The following NPSR1 variants were observed in gnomAD, a reference collection of about 807,000 sequenced individuals.
NPSR1 encodes neuropeptide S receptor.
NPSR1 carries 48 observed loss-of-function variants against 46.9 expected under a neutral mutation model. The observed-to-expected ratio is 1.02, with a 90% CI of 0.81 to 1.30. The LOEUF is 1.30. Ranked by LOEUF, NPSR1 falls within the 50% of genes most tolerant of loss-of-function variation. The pLI is 0.00. For synonymous variants in NPSR1, 176 were observed against 168.1 expected, an observed-to-expected ratio of 1.05 and a Z score of -0.36; for missense variants, 450 against 449.5, an observed-to-expected ratio of 1.00 and a Z score of -0.01.
At chr7:34,834,288 A>G (rs1790263650) in intron 5 of NPSR1, 96 bp from the exon 6 acceptor site, 9 of 872,122 alleles carry the variant, frequency 1.0e-5, no homozygotes, top group Admixed American at 1.7e-5. Context: ...CTGTCCCTTC[A>G]CACCTTGCAC....
At chr7:34,755,527 T>C (rs1785785491) in intron 2 of NPSR1, among the ~76,000 whole-genome samples, 2 of 152,226 alleles carry the variant, frequency 1.3e-5, no homozygotes, top group African/African-American at 4.8e-5. Context: ...TGTTCTACTG[T>C]GTGAACATAC....
chr7:34,688,853 C>T (rs914889638), intron 2 of NPSR1, among the ~76,000 whole-genome samples: 1 of 152,192 alleles, frequency 6.6e-6, no homozygotes, highest in African/African-American at 2.4e-5. Context: ...CCTGCCCCTC[C>T]GTGCAGAGAT....
At chr7:34,726,078 G>C (rs1304188525) in intron 2 of NPSR1, among the ~76,000 whole-genome samples, 1 of 152,154 alleles carries the variant, frequency 6.6e-6, no homozygotes, top group Non-Finnish European at 1.5e-5. Context: ...AAATTACCCA[G>C]GCTCAGGTAC....
rs552977240 is a variant in NPSR1, at chr7:34,787,914, C to T, written c.384+9349C>T. On this transcript the variant is annotated intron_variant, in intron 3 of 8. Transcript: ENST00000360581. Reference sequence around the variant, plus strand: ...CGTAATAATAACAATAATGAAAAAGCTCAAAATAACCAAAATATGACACAG... The same window carrying T: ...CGTAATAATAACAATAATGAAAAAGTTCAAAATAACCAAAATATGACACAG... 7.2e-5 allele frequency among the ~76,000 whole-genome samples: 11 copies of T among 152,034 alleles called. No homozygotes were observed. The East Asian group carries it at 1.7e-3, about 24-fold the overall frequency.
In NPSR1 at chr7:34,796,806, C is replaced by T. The variant is rs950654458; in HGVS notation, c.385-14964C>T. ...AAAATTACATTCTTACCATGCATTC[C>T]AGCAATTGTGCTCCTGGGTATTTAC... is the stretch of plus-strand genomic sequence containing the variant. On this transcript the variant is annotated intron_variant, in intron 3 of 8. Coordinates refer to ENST00000360581, the MANE Select transcript of NPSR1 (RefSeq NM_207172.2). 3.9e-5 allele frequency among the ~76,000 whole-genome samples: 6 copies of T among 152,140 alleles called. No homozygotes were observed. In the South Asian group the frequency reaches 6.2e-4, roughly 16 times the overall value.
At chr7:34,715,176 T>C (rs1219799247) in intron 2 of NPSR1, among the ~76,000 whole-genome samples, 8 of 152,160 alleles carry the variant, frequency 5.3e-5, no homozygotes, top group Non-Finnish European at 2.9e-5. Flanking sequence ...CCTCATAATT[T>C]AGGTTGCTTG....
intron 2 of NPSR1, among the ~76,000 whole-genome samples, chr7:34,721,165 T>C (rs1296925075): frequency 6.6e-6 from 1 of 152,190 alleles, no homozygotes; most frequent in Non-Finnish European, 1.5e-5. Flanking sequence ...GGAGCAATGC[T>C]TGAGGCAATA....
chr7:34,768,815 T>C (rs1786544632), intron 2 of NPSR1, among the ~76,000 whole-genome samples: 1 of 152,054 alleles, frequency 6.6e-6, no homozygotes. Context: ...ACAGAGAGGA[T>C]TCAAATTTGA....
At chr7:34,696,944 A>G (rs1009977803) in intron 2 of NPSR1, among the ~76,000 whole-genome samples, 1 of 152,062 alleles carries the variant, frequency 6.6e-6, no homozygotes, top group African/African-American at 2.4e-5. Flanking sequence ...GAAAATATTT[A>G]TGCTAGCTCA....
intron 3 of NPSR1, among the ~76,000 whole-genome samples, chr7:34,797,187 G>A (rs1386079061): frequency 6.6e-6 from 1 of 152,154 alleles, no homozygotes; most frequent in Non-Finnish European, 1.5e-5. Context: ...AGGGCTTGGG[G>A]AGAGGGAGGC....
chr7:34,814,108 C>T lies in NPSR1; in HGVS notation c.478+2245C>T, dbSNP rs111230978. On this transcript the variant is annotated intron_variant, in intron 4 of 8. Coordinates refer to ENST00000360581, the MANE Select transcript of NPSR1 (RefSeq NM_207172.2). ...GGTGAGCCAAAGCAGGGCAGGGCATCGCCTCACCTGGGGAGCACAAAGGGT... is the reference window on the plus strand; with the variant it reads ...GGTGAGCCAAAGCAGGGCAGGGCATTGCCTCACCTGGGGAGCACAAAGGGT... Among the ~76,000 whole-genome samples, 259 of 152,334 alleles carry T rather than the reference C, an allele frequency of 1.7e-3. 2 individuals carry two copies. Among genetic ancestry groups the T allele is most frequent in the African/African-American group, 5.6e-3 (231 of 41,570 alleles).
At chr7:34,751,486 G>A (rs182110389) in intron 2 of NPSR1, 62 of 1,283,902 alleles carry the variant, frequency 4.8e-5, no homozygotes, top group East Asian at 2.1e-4. Context: ...TTCTGCCTCC[G>A]TGTCATCTGC....
At chr7:34,741,768 C>G (rs1416155201) in intron 2 of NPSR1, among the ~76,000 whole-genome samples, 1 of 152,216 alleles carries the variant, frequency 6.6e-6, no homozygotes, top group East Asian at 1.9e-4. Context: ...CAAACTGGAA[C>G]AGTATTTTCA....
chr7:34,680,486 T>C (rs1792571461), intron 1 of NPSR1, among the ~76,000 whole-genome samples: 1 of 152,166 alleles, frequency 6.6e-6, no homozygotes, highest in South Asian at 2.1e-4. Context: ...CATCATGGCA[T>C]ATCCTAGTCA....
At chr7:34,741,838 C>T (rs1784955911) in intron 2 of NPSR1, among the ~76,000 whole-genome samples, 1 of 152,180 alleles carries the variant, frequency 6.6e-6, no homozygotes, top group Non-Finnish European at 1.5e-5. Context: ...TTCTCTAACA[C>T]CCTCTTACCA....
chr7:34,851,707 A>G (rs1226403543), downstream of NPSR1, among the ~76,000 whole-genome samples: 2 of 152,200 alleles, frequency 1.3e-5, no homozygotes, highest in African/African-American at 4.8e-5. Flanking sequence ...TTCTTTGTCA[A>G]GTCTGGTCTG....
At chr7:34,827,724 C>T in intron 5 of NPSR1, 122 bp downstream of exon 5, 4 of 707,546 alleles carry the variant, frequency 5.7e-6, no homozygotes, top group Non-Finnish European at 9.3e-6. Flanking sequence ...AGGGAACTGA[C>T]CAGGCCACAA....
At chr7:34,719,542 C>G (rs1228642319) in intron 2 of NPSR1, 3 of 152,164 alleles carry the variant, frequency 2.0e-5, no homozygotes, top group Non-Finnish European at 4.4e-5. Context: ...CATGCTGTCT[C>G]TATGCACTGC....
chr7:34,824,062 G>A (rs1359778232), intron 4 of NPSR1, among the ~76,000 whole-genome samples: 2 of 152,194 alleles, frequency 1.3e-5, no homozygotes, highest in Non-Finnish European at 2.9e-5. Flanking sequence ...AGGCTTTTCA[G>A]AGGAAAAAAA....
Sources: gnomAD v4.1 joint callset for allele counts (sites outside exome capture counted in the v4.1 genomes callset) on GRCh38, gnomAD v4.1.1 for gene constraint, MANE v1.5 for transcripts, NCBI Gene and HGNC (gene_info 2026-07-23, HGNC 2026-07-21) for gene names.